HTR2A: variants seen among roughly 807,000 people sequenced by gnomAD.
HTR2A encodes 5-hydroxytryptamine receptor 2A.
HTR2A carries 14 observed loss-of-function variants against 31.0 expected under a neutral mutation model. The observed-to-expected ratio is 0.45, with a 90% CI of 0.30 to 0.71. The LOEUF is 0.71. Among genes scored for constraint, HTR2A ranks in the 30% least tolerant of loss-of-function variants. HTR2A has a pLI of 0.09. For synonymous variants in HTR2A, 209 were observed against 225.2 expected, an observed-to-expected ratio of 0.93 and a Z score of 0.64; for missense variants, 442 against 573.3, an observed-to-expected ratio of 0.77 and a Z score of 2.34.
chr13:46,886,910 G>C (rs1463790240), intron 3 of HTR2A, among the ~76,000 whole-genome samples: 2 of 152,000 alleles, frequency 1.3e-5, no homozygotes, highest in African/African-American at 4.8e-5. Context: ...CTTTCATCTG[G>C]GATCATGAAA....
intron 3 of HTR2A, among the ~76,000 whole-genome samples, chr13:46,882,218 G>T (rs561685632): frequency 1.0e-5 from 1 of 100,278 alleles, no homozygotes; most frequent in Non-Finnish European, 2.1e-5. Flanking sequence ...AGTGAAAATG[G>T]TCAGGGAAGT....
chr13:46,839,846 C>T (rs1950585298), intron 3 of HTR2A, among the ~76,000 whole-genome samples: 1 of 152,200 alleles, frequency 6.6e-6, no homozygotes, highest in Non-Finnish European at 1.5e-5. Flanking sequence ...CTCTAGTTAA[C>T]ATCTTACCAC....
chr13:46,890,535 T>C (rs1048539401), intron 3 of HTR2A, among the ~76,000 whole-genome samples: 11 of 152,216 alleles, frequency 7.2e-5, no homozygotes, highest in African/African-American at 2.7e-4. Flanking sequence ...TATCATCCTG[T>C]GCAACTGAGT....
intron 3 of HTR2A, among the ~76,000 whole-genome samples, chr13:46,845,369 G>A (rs973688255): frequency 6.6e-6 from 1 of 152,140 alleles, no homozygotes; most frequent in African/African-American, 2.4e-5. Flanking sequence ...GGGCCCAGGT[G>A]AGCCTGGACT....
At chr13:46,863,647 AAAG>A (rs1950798578) in intron 3 of HTR2A, among the ~76,000 whole-genome samples, 2 of 109,512 alleles carry the variant, frequency 1.8e-5, no homozygotes, top group African/African-American at 6.2e-5. Context: ...AAAAAAAAAA[AAAG>A]AAAAAAAAAA....
chr13:46,879,626 C>A (rs1230566583), intron 3 of HTR2A, among the ~76,000 whole-genome samples: 1 of 152,166 alleles, frequency 6.6e-6, no homozygotes, highest in Non-Finnish European at 1.5e-5. Flanking sequence ...GCATGATGGT[C>A]TTTTCTTGGG....
chr13:46,832,327 A>G lies in HTR2A; in HGVS notation c.*2510T>C, dbSNP rs564123995. On this transcript the variant is annotated 3_prime_UTR_variant, in exon 4 of 4. Transcript: ENST00000542664. ...ATTGACTTGCTTTTCGTCCATATAAATATATAAATATTGAATAAAGTGCAT... is the reference window on the plus strand; with the variant it reads ...ATTGACTTGCTTTTCGTCCATATAAGTATATAAATATTGAATAAAGTGCAT... The G allele has an allele frequency of 7.9e-5, 12 of 152,234 alleles. No homozygotes were observed. The highest frequency in any genetic ancestry group is 1.8e-4 in the Non-Finnish European group (12 of 68,026). The allele number at this position is 152,234 out of a possible 1,614,324, so 9.4% of individuals were successfully genotyped here. A position where few individuals can be genotyped will look rare whatever the true frequency, so the allele number is the denominator to read the frequency against.
intron 3 of HTR2A, among the ~76,000 whole-genome samples, chr13:46,880,305 GC>G (rs1566316342): frequency 1.3e-5 from 2 of 151,960 alleles, no homozygotes; most frequent in African/African-American, 4.8e-5. Flanking sequence ...CTATCTCTTA[GC>G]CCAGAAAAGA....
At chr13:46,855,312 C>A (rs1950726786) in intron 3 of HTR2A, among the ~76,000 whole-genome samples, 1 of 152,166 alleles carries the variant, frequency 6.6e-6, no homozygotes, top group African/African-American at 2.4e-5. Flanking sequence ...CAAGGGAACT[C>A]CTTCAGTTTT....
At chr13:46,876,189 T>C (rs1345579631) in intron 3 of HTR2A, among the ~76,000 whole-genome samples, 2 of 151,994 alleles carry the variant, frequency 1.3e-5, no homozygotes, top group African/African-American at 4.8e-5. Context: ...TGGCCTATTC[T>C]CCATTTCTAC....
At chr13:46,857,372 A>G (rs1342406807) in intron 3 of HTR2A, among the ~76,000 whole-genome samples, 1 of 151,846 alleles carries the variant, frequency 6.6e-6, no homozygotes, top group Non-Finnish European at 1.5e-5. Context: ...CAGCAGATTC[A>G]GTGTCTAATG....
At chr13:46,835,803 G>GT in intron 3 of HTR2A, among the ~76,000 whole-genome samples, 164 bp from the exon 4 acceptor site, 1 of 152,226 alleles carries the variant, frequency 6.6e-6, no homozygotes, top group South Asian at 2.1e-4. Context: ...TATGTGTTTT[G>GT]TAAGTATATA....
rs1951060674 is a variant in HTR2A, at chr13:46,892,370, T to C, written c.613+20A>G. 3.1e-6 allele frequency: 5 copies of C among 1,607,626 alleles called. No homozygotes were observed. The highest frequency in any genetic ancestry group is 2.6e-6 in the Non-Finnish European group (3 of 1,174,044). ...CGAACTGTCATTTCAAATGAGACTCTGAAATATGTTGCCACTTACCTACTG... is the reference window on the plus strand; with the variant it reads ...CGAACTGTCATTTCAAATGAGACTCCGAAATATGTTGCCACTTACCTACTG... On this transcript the variant is annotated intron_variant, in intron 3 of 3. Coordinates refer to ENST00000542664, the MANE Select transcript of HTR2A (RefSeq NM_000621.5).
chr13:46,841,651 C>T (rs917072980), intron 3 of HTR2A, among the ~76,000 whole-genome samples: 2 of 152,004 alleles, frequency 1.3e-5, no homozygotes, highest in African/African-American at 4.8e-5. Context: ...GGCCTAATTG[C>T]CCCCATCATA....
chr13:46,858,871 G>C (rs1182309249), intron 3 of HTR2A, among the ~76,000 whole-genome samples: 3 of 152,130 alleles, frequency 2.0e-5, no homozygotes, highest in Admixed American at 1.3e-4. Context: ...GAATGGCAAG[G>C]TACAGGTCTG....
intron 3 of HTR2A, among the ~76,000 whole-genome samples, chr13:46,857,203 G>A (rs1009117841): frequency 6.6e-6 from 1 of 151,630 alleles, no homozygotes; most frequent in African/African-American, 2.4e-5. Context: ...AGGAGGCTAG[G>A]CAGAAGAATC....
intron 3 of HTR2A, among the ~76,000 whole-genome samples, chr13:46,852,397 C>T (rs1213639444): frequency 6.6e-6 from 1 of 152,364 alleles, no homozygotes; most frequent in South Asian, 2.1e-4. Context: ...AAGGGGGGCT[C>T]TCTCGGCTGG....
Position 46,895,275 on chromosome 13 carries a change from A to G in HTR2A, c.412+220T>C, listed in dbSNP as rs1446335996. The G allele has an allele frequency of 6.1e-6, 3 of 491,700 alleles. No homozygotes were observed. The highest frequency in any genetic ancestry group is 1.1e-5 in the Non-Finnish European group (3 of 278,520). 30.5% of individuals were successfully genotyped at this position (491,700 alleles called of 1,614,324 possible). ...TTTACACAGGATGTACGCGTTTTGA[A>G]GCACAAAACTCTCCAGTGATCACAG... On this transcript the variant is annotated intron_variant, in intron 2 of 3. Coordinates refer to ENST00000542664, the MANE Select transcript of HTR2A (RefSeq NM_000621.5). The surrounding 1 kb of genome is among the most constrained non-coding windows in gnomAD (Gnocchi z 4.4).
Position 46,832,277 on chromosome 13 carries a change from A to C in HTR2A, c.*2560T>G, listed in dbSNP as rs73473857. The C allele has an allele frequency of 7.2e-4, 110 of 152,362 alleles. No individual in the cohort carries two copies. The highest frequency in any genetic ancestry group is 2.2e-3 in the African/African-American group (92 of 41,588). The allele number at this position is 152,362 out of a possible 1,614,324, so 9.4% of individuals were successfully genotyped here. ...AAATAAACATGATACAAACATGCAC[A>C]CATGTGTATATACTGAGTGTTTTCA... On this transcript the variant is annotated 3_prime_UTR_variant, in exon 4 of 4. Transcript: ENST00000542664.
Sources: gnomAD v4.1 joint callset for allele counts (sites outside exome capture counted in the v4.1 genomes callset) on GRCh38, gnomAD v4.1.1 for gene constraint, Gnocchi (gnomAD v3.1) non-coding constraint, MANE v1.5 for transcripts, NCBI Gene and HGNC (gene_info 2026-07-23, HGNC 2026-07-21) for gene names.